CRLF3: variants seen among roughly 807,000 people sequenced by gnomAD.
CRLF3 encodes cytokine receptor-like factor 3.
In CRLF3, 33 loss-of-function variants were observed where a neutral mutation model predicts 55.0. The observed-to-expected ratio is 0.60, with a 90% CI of 0.46 to 0.80. The LOEUF (loss-of-function observed/expected upper bound fraction) is 0.80. Ranked by LOEUF, CRLF3 falls within the 30% of genes least tolerant of loss-of-function variation. CRLF3 has a pLI of 0.00. For missense variants in CRLF3, 494 were observed against 538.4 expected, an observed-to-expected ratio of 0.92 and a Z score of 0.82; for synonymous variants, 238 against 196.8, an observed-to-expected ratio of 1.21 and a Z score of -1.75.
Position 30,823,414 on chromosome 17 carries a change from T to TTA in CRLF3, c.129+1107_129+1108dup, listed in dbSNP as rs990904070. On this transcript the variant is annotated intron_variant, in intron 1 of 7. Transcript: ENST00000324238. Reference sequence around the variant, plus strand: ...ATACTTATATATGTTTGTATATGTTTTATATATATATATAAAACCCAAAAC... The same window carrying TTA: ...ATACTTATATATGTTTGTATATGTTTTATATATATATATATAAAACCCAAAAC... Among the ~76,000 whole-genome samples, 127 of 151,220 alleles carry TTA rather than the reference T, an allele frequency of 8.4e-4. 1 individual carries two copies. Among genetic ancestry groups the TTA allele is most frequent in the South Asian group, 2.9e-3 (14 of 4,782 alleles).
intron 4 of CRLF3, among the ~76,000 whole-genome samples, chr17:30,794,697 C>T (rs1971880626): frequency 2.6e-5 from 4 of 152,132 alleles, no homozygotes; most frequent in Admixed American, 1.3e-4. Context: ...TACTTGGGGG[C>T]TGAGGCGGGA....
chr17:30,785,663 T>C (rs1971625829), intron 7 of CRLF3, among the ~76,000 whole-genome samples: 1 of 151,590 alleles, frequency 6.6e-6, no homozygotes, highest in Non-Finnish European at 1.5e-5. Context: ...GCACCTGTAG[T>C]CCCGGCTACT....
intron 1 of CRLF3, among the ~76,000 whole-genome samples, chr17:30,812,113 A>AAAAAAT (rs562528495): frequency 6.6e-5 from 10 of 152,098 alleles, no homozygotes; most frequent in African/African-American, 1.9e-4. Context: ...CCGTCTAAAA[A>AAAAAAT]AAAAATAAAA....
rs1021336668 is a variant in CRLF3 at position 30,791,085 on chromosome 17, ATTT to A, written c.959+1352_959+1354del. Among the ~76,000 whole-genome samples the A allele has an allele frequency of 2.0e-5, 3 of 149,176 alleles. No homozygotes were observed. The South Asian group carries it at 6.4e-4, about 32-fold the overall frequency. Reference sequence around the variant, plus strand: ...AGGTGTGTGCCACCACACCCTGCTAATTTTTTTTTTCTTTTTGAGACGGGTCTT... The same window carrying A: ...AGGTGTGTGCCACCACACCCTGCTAATTTTTTTCTTTTTGAGACGGGTCTT... On this transcript the variant is annotated intron_variant, in intron 6 of 7. Coordinates refer to ENST00000324238, the MANE Select transcript of CRLF3 (RefSeq NM_015986.4).
Position 30,803,980 on chromosome 17 carries a change from C to A in CRLF3, c.258G>T (p.Gln86His). 6.2e-7 allele frequency: 1 copy of A among 1,612,710 alleles called. No homozygotes were observed. Among genetic ancestry groups the A allele is most frequent in the Non-Finnish European group, 8.5e-7 (1 of 1,179,928 alleles). Residue 86 changes from glutamine to histidine, a missense_variant, in exon 2 of 8, where the codon CAG becomes CAT. Transcript: ENST00000324238. ...AGTCATCTAGTGGTTTAATGGTCTCCTGTTCAATGGTGTCCACCTCTTGCA... is the reference window on the plus strand; with the variant it reads ...AGTCATCTAGTGGTTTAATGGTCTCATGTTCAATGGTGTCCACCTCTTGCA... ...TLLQEVDTIE[Q>H]ETIKPLDDCQ...
At chr17:30,822,132 AGAC>A (rs1905018242) in intron 1 of CRLF3, among the ~76,000 whole-genome samples, 1 of 151,976 alleles carries the variant, frequency 6.6e-6, no homozygotes, top group Non-Finnish European at 1.5e-5. Flanking sequence ...TAAAAAATAC[AGAC>A]GACAGGTGGC....
At chr17:30,789,183 T>G (rs1396453824) in intron 6 of CRLF3, among the ~76,000 whole-genome samples, 1 of 152,178 alleles carries the variant, frequency 6.6e-6, no homozygotes, top group African/African-American at 2.4e-5. Context: ...TGAATTTCAG[T>G]TAATCACCCT....
At chr17:30,800,617 A>C (rs896099724) in intron 2 of CRLF3, among the ~76,000 whole-genome samples, 5 of 152,014 alleles carry the variant, frequency 3.3e-5, no homozygotes, top group Non-Finnish European at 5.9e-5. Context: ...TAAAAAAAAA[A>C]AAAACTCTGT....
intron 1 of CRLF3, chr17:30,810,046 T>C (rs1007240193): frequency 8.5e-5 from 13 of 152,220 alleles, no homozygotes. Context: ...TTCCTGTCCC[T>C]GTGTAAAGAA....
At chr17:30,802,091 T>C (rs536166214) in intron 2 of CRLF3, among the ~76,000 whole-genome samples, 4 of 152,164 alleles carry the variant, frequency 2.6e-5, no homozygotes, top group African/African-American at 9.6e-5. Flanking sequence ...CACTGGGCTC[T>C]GAATCCCAAA....
At chr17:30,816,080 G>A (rs1006406318) in intron 1 of CRLF3, among the ~76,000 whole-genome samples, 2 of 150,064 alleles carry the variant, frequency 1.3e-5, no homozygotes, top group Non-Finnish European at 3.0e-5. Context: ...TCAGGAGTTC[G>A]AGACCAGCCT....
chr17:30,795,438 G>A (rs139069003), intron 4 of CRLF3, among the ~76,000 whole-genome samples: 3 of 151,492 alleles, frequency 2.0e-5, no homozygotes, highest in African/African-American at 7.3e-5. Flanking sequence ...GGAGGTTGTG[G>A]TGAGCCAAGA....
intron 1 of CRLF3, among the ~76,000 whole-genome samples, chr17:30,808,074 T>C (rs982490027): frequency 6.6e-6 from 1 of 152,134 alleles, no homozygotes; most frequent in Non-Finnish European, 1.5e-5. Context: ...ACATAGCATC[T>C]GGTAAACAAA....
At chr17:30,796,557 A>G (rs567336086) in intron 3 of CRLF3, among the ~76,000 whole-genome samples, 2 of 152,316 alleles carry the variant, frequency 1.3e-5, no homozygotes, top group Non-Finnish European at 2.9e-5. Context: ...AGTTTAAGCC[A>G]AAAGATCTGG....
At chr17:30,823,158 T>A (rs1905045016) in intron 1 of CRLF3, among the ~76,000 whole-genome samples, 1 of 151,784 alleles carries the variant, frequency 6.6e-6, no homozygotes, top group Non-Finnish European at 1.5e-5. Flanking sequence ...GGTCAGGAGT[T>A]CAAGATCATC....
chr17:30,787,923 C>G (rs1773175329), intron 6 of CRLF3, among the ~76,000 whole-genome samples: 1 of 151,904 alleles, frequency 6.6e-6, no homozygotes, highest in Admixed American at 6.6e-5. Context: ...TCACTTGAAC[C>G]TGTGAGATGG....
intron 4 of CRLF3, among the ~76,000 whole-genome samples, chr17:30,795,117 A>G (rs549694564): frequency 1.3e-5 from 2 of 152,196 alleles, no homozygotes; most frequent in African/African-American, 4.8e-5. Context: ...AAAATAATAA[A>G]AATGGAATGA....
chr17:30,796,633 T>C (rs1317235337), intron 3 of CRLF3, among the ~76,000 whole-genome samples: 2 of 152,124 alleles, frequency 1.3e-5, no homozygotes, highest in African/African-American at 2.4e-5. Flanking sequence ...AATTCTTTTA[T>C]ATATTGGATT....
At chr17:30,800,144 C>T (rs1971984053) in intron 2 of CRLF3, among the ~76,000 whole-genome samples, 1 of 152,184 alleles carries the variant, frequency 6.6e-6, no homozygotes, top group African/African-American at 2.4e-5. Flanking sequence ...ACTCATTCTG[C>T]AGAAGAGATG....
Sources: gnomAD v4.1 joint callset for allele counts (sites outside exome capture counted in the v4.1 genomes callset) on GRCh38, gnomAD v4.1.1 for gene constraint, MANE v1.5 for transcripts, NCBI Gene and HGNC (gene_info 2026-07-23, HGNC 2026-07-21) for gene names.